Variants in CDK5RAP2 observed in about 807,000 individuals in gnomAD.
The protein encoded by CDK5RAP2 is CDK5 regulatory subunit associated protein 2.
In CDK5RAP2, 147 loss-of-function variants were observed where a neutral mutation model predicts 232.9. The observed-to-expected ratio is 0.63, with a 90% confidence interval of 0.55 to 0.72. The LOEUF is 0.72. Among genes scored for constraint, CDK5RAP2 ranks in the 30% least tolerant of loss-of-function variants. CDK5RAP2 has a pLI of 0.00. For missense variants in CDK5RAP2, 2,195 were observed against 2,231.5 expected, an observed-to-expected ratio of 0.98 and a Z score of 0.33; for synonymous variants, 833 against 833.7, an observed-to-expected ratio of 1.00 and a Z score of 0.01.
chr9:120,396,162 A>G (rs1394465814), intron 35 of CDK5RAP2, among the ~76,000 whole-genome samples: 1 of 152,206 alleles, frequency 6.6e-6, no homozygotes, highest in Admixed American at 6.5e-5. Context: ...GACTTAACCT[A>G]CTTTTAAGAT....
chr9:120,559,653 C>T (rs1271547645), intron 3 of CDK5RAP2, among the ~76,000 whole-genome samples: 1 of 147,130 alleles, frequency 6.8e-6, no homozygotes, highest in East Asian at 2.0e-4. Context: ...AAATATAAAA[C>T]CCACAAAATA....
At chr9:120,419,413 C>A (rs756402650) in intron 27 of CDK5RAP2, among the ~76,000 whole-genome samples, 4 of 152,174 alleles carry the variant, frequency 2.6e-5, no homozygotes, top group Admixed American at 6.5e-5. Context: ...GCTAGATACT[C>A]TTGGGCAACT....
At chr9:120,458,342 C>T in intron 20 of CDK5RAP2, 108 bp downstream of exon 20, 2 of 1,044,928 alleles carry the variant, frequency 1.9e-6, no homozygotes, top group Non-Finnish European at 2.9e-6. Flanking sequence ...ATTTCAGGAG[C>T]TCTCTCAGGT....
rs758323713 is a variant in CDK5RAP2 at position 120,491,375 on chromosome 9, A to G, written c.1414T>C (p.Leu472=). The change falls in exon 13 of 38, where the codon TTG becomes CTG. Residue 472 remains leucine, a synonymous_variant. Coordinates refer to ENST00000349780, the MANE Select transcript of CDK5RAP2 (RefSeq NM_018249.6). ...KSLLSESNKK[L]HNQEQVIKHL... is the part of the protein sequence containing the mutation. ...TTGATCACTTGCTCTTGATTGTGCAATTTTTTATTGCTTTCACTCAGAAGA... is the reference window on the plus strand; with the variant it reads ...TTGATCACTTGCTCTTGATTGTGCAGTTTTTTATTGCTTTCACTCAGAAGA... 3 of 1,613,248 alleles carry G rather than the reference A, an allele frequency of 1.9e-6. No homozygotes were observed. The highest frequency in any genetic ancestry group is 2.2e-5 in the East Asian group (1 of 44,782).
chr9:120,442,326 AAG>A (rs961756955), intron 23 of CDK5RAP2, among the ~76,000 whole-genome samples: 2 of 152,282 alleles, frequency 1.3e-5, no homozygotes, highest in African/African-American at 2.4e-5. Flanking sequence ...TGCATGAGCA[AAG>A]AGAGAGAGAG....
Position 120,407,062 on chromosome 9 carries a change from G to C in CDK5RAP2, c.4913C>G (p.Ala1638Gly). 1 of 1,614,166 alleles carries C rather than the reference G, an allele frequency of 6.2e-7. No individual in the cohort carries two copies. Among genetic ancestry groups the C allele is most frequent in the Non-Finnish European group, 8.5e-7 (1 of 1,180,036 alleles). Reference sequence around the variant, plus strand: ...CTCAGGGATGGACACGGCTTGGACAGCCAGAGTGAGGGCTCCTTCCTGTGC... The same window carrying C: ...CTCAGGGATGGACACGGCTTGGACACCCAGAGTGAGGGCTCCTTCCTGTGC... ...EKAQEGALTL[A>G]VQAVSIPEVP... The change falls in exon 32 of 38, where the codon GCT becomes GGT. Residue 1638 changes from alanine (A) to glycine (G), a missense_variant. Physicochemically the swap from Ala to Gly is moderately conservative, Grantham distance 60. Transcript: ENST00000349780.
At chr9:120,565,901 G>A (rs1342881229) in intron 3 of CDK5RAP2, among the ~76,000 whole-genome samples, 2 of 152,154 alleles carry the variant, frequency 1.3e-5, no homozygotes, top group Non-Finnish European at 2.9e-5. Context: ...GGACTTACCT[G>A]GTCTTAATCC....
Position 120,525,064 on chromosome 9 carries a change from G to GT in CDK5RAP2, c.1013dup (p.Asn338LysfsTer3). ...CAGCACTGAGCTTTTCAATTTCAGA[G>GT]TTAAGTTCTTCAACCTGGGGAAAAA... On this transcript the variant is annotated frameshift_variant, in exon 11 of 38. Coordinates refer to ENST00000349780, the MANE Select transcript of CDK5RAP2 (RefSeq NM_018249.6). LOFTEE classifies it high-confidence loss of function. 6.2e-7 allele frequency: 1 copy of GT among 1,613,896 alleles called. No homozygotes were observed. Among genetic ancestry groups the GT allele is most frequent in the Non-Finnish European group, 8.5e-7 (1 of 1,179,798 alleles).
chr9:120,487,001 G>A (rs1045011917), intron 14 of CDK5RAP2, among the ~76,000 whole-genome samples: 5 of 152,170 alleles, frequency 3.3e-5, no homozygotes, highest in South Asian at 4.1e-4. Flanking sequence ...GAACACTTAC[G>A]AAACACTTGG....
chr9:120,531,912 G>A (rs749272871), intron 7 of CDK5RAP2, among the ~76,000 whole-genome samples: 10 of 152,094 alleles, frequency 6.6e-5, no homozygotes, highest in South Asian at 2.1e-4. Context: ...CTTTGAAATC[G>A]TCACATAATC....
chr9:120,494,090 TAAAAAAAAA>T (rs532352159), intron 12 of CDK5RAP2, among the ~76,000 whole-genome samples: 1 of 119,270 alleles, frequency 8.4e-6, no homozygotes, highest in Non-Finnish European at 1.8e-5. Context: ...AGACTCAGTT[TAAAAAAAAA>T]AAAAAAAAAA....
At chr9:120,495,979 A>AG (rs2039199909) in intron 12 of CDK5RAP2, among the ~76,000 whole-genome samples, 1 of 121,116 alleles carries the variant, frequency 8.3e-6, no homozygotes, top group Admixed American at 7.5e-5. Context: ...GTAGGGAGGT[A>AG]GGGGGGTCAG....
At chr9:120,524,006 G>A (rs930185904) in intron 11 of CDK5RAP2, among the ~76,000 whole-genome samples, 5 of 152,040 alleles carry the variant, frequency 3.3e-5, no homozygotes, top group Non-Finnish European at 7.4e-5. Context: ...AGGGAGATAC[G>A]GGATGACAGT....
intron 18 of CDK5RAP2, among the ~76,000 whole-genome samples, chr9:120,466,529 T>C (rs952176909): frequency 6.6e-6 from 1 of 152,118 alleles, no homozygotes; most frequent in African/African-American, 2.4e-5. Context: ...CCAAAGGACA[T>C]AATGAGACAT....
intron 28 of CDK5RAP2, among the ~76,000 whole-genome samples, chr9:120,412,319 T>G (rs910287762): frequency 2.6e-5 from 4 of 152,206 alleles, no homozygotes; most frequent in Admixed American, 6.5e-5. Flanking sequence ...CTTCCCTCCC[T>G]GTCCTCCACA....
intron 15 of CDK5RAP2, among the ~76,000 whole-genome samples, chr9:120,473,018 G>A (rs2037806772): frequency 6.6e-6 from 1 of 152,250 alleles, no homozygotes; most frequent in South Asian, 2.1e-4. Context: ...TCCTACTGAT[G>A]TGGAAATGGC....
chr9:120,424,563 C>G (rs966665251), intron 25 of CDK5RAP2, among the ~76,000 whole-genome samples: 3 of 152,190 alleles, frequency 2.0e-5, no homozygotes, highest in African/African-American at 7.2e-5. Context: ...TACCAACATT[C>G]AGCAGATAAG....
In CDK5RAP2 at chr9:120,401,486, C is replaced by T. The variant is rs115499976; in HGVS notation, c.5308-601G>A. Among the ~76,000 whole-genome samples the T allele has an allele frequency of 2.5e-3, 383 of 151,908 alleles. 1 individual carries two copies. The highest frequency in any genetic ancestry group is 8.7e-3 in the African/African-American group (361 of 41,432). On this transcript the variant is annotated intron_variant, in intron 34 of 37. Coordinates refer to ENST00000349780, the MANE Select transcript of CDK5RAP2 (RefSeq NM_018249.6). The stretch of plus-strand genomic sequence containing the variant: ...AATTAGCTAGGTGTGGCAGTGCACA[C>T]CTGTAGTCCTGGCTACTCAGGAAGC...
At chr9:120,559,382 G>A (rs1845692709) in intron 3 of CDK5RAP2, among the ~76,000 whole-genome samples, 1 of 151,014 alleles carries the variant, frequency 6.6e-6, no homozygotes, top group Non-Finnish European at 1.5e-5. Context: ...AGCCAAGCGG[G>A]AGGCTGAGGC....
Sources: gnomAD v4.1 joint callset for allele counts (sites outside exome capture counted in the v4.1 genomes callset) on GRCh38, gnomAD v4.1.1 for gene constraint, MANE v1.5 for transcripts, NCBI Gene and HGNC (gene_info 2026-07-23, HGNC 2026-07-21) for gene names.